Variants in TFDP2 observed in about 807,000 individuals in gnomAD.
The protein encoded by TFDP2 is transcription factor Dp-2.
Under a neutral mutation model 59.3 loss-of-function variants are expected in TFDP2, and 17 were observed. That is an observed-to-expected ratio of 0.29 (90% CI 0.20 to 0.43). TFDP2 has a LOEUF of 0.43. TFDP2 is among the 20% of genes least tolerant of loss of function. The probability of loss-of-function intolerance (pLI) is 1.00; values close to 1 mark genes in which losing one functional copy is unlikely to be tolerated. For synonymous variants in TFDP2, 180 were observed against 194.7 expected (o/e 0.92, Z 0.63); for missense variants, 391 against 528.8 (o/e 0.74, Z 2.56).
rs981603675 is a variant in TFDP2, at chr3:141,946,899, A to T, written c.*5614T>A. 1 of 152,258 alleles carries T rather than the reference A, an allele frequency of 6.6e-6. No individual in the cohort carries two copies. The highest frequency in any genetic ancestry group is 1.9e-4 in the East Asian group (1 of 5,186). 9.4% of individuals were successfully genotyped at this position (152,258 alleles called of 1,614,324 possible). A position where few individuals can be genotyped will look rare whatever the true frequency, so the allele number is the denominator to read the frequency against. On this transcript the variant is annotated 3_prime_UTR_variant, in exon 13 of 13. Coordinates refer to ENST00000489671, the MANE Select transcript of TFDP2 (RefSeq NM_001178139.2). Reference sequence around the variant, plus strand: ...AAAAATTAGCCAGGCGTGGTGGCACATGTCTGTAATCCCAACTACTTGGGA... The same window carrying T: ...AAAAATTAGCCAGGCGTGGTGGCACTTGTCTGTAATCCCAACTACTTGGGA...
intron 4 of TFDP2, 64 bp downstream of exon 4, chr3:142,005,377 A>T (rs1944129595): frequency 2.3e-6 from 3 of 1,308,066 alleles, no homozygotes; most frequent in Middle Eastern, 2.5e-4. Context: ...ATTTAATGCA[A>T]TTATTCTTTA....
In TFDP2 at chr3:142,136,044, C is replaced by T. The variant is rs550749641; in HGVS notation, c.-93+13139G>A. Among the ~76,000 whole-genome samples, 51 of 152,198 alleles carry T rather than the reference C, an allele frequency of 3.4e-4. 2 individuals are homozygous for T. The highest frequency in any genetic ancestry group is 6.8e-3 in the Middle Eastern group (2 of 292). The stretch of plus-strand genomic sequence containing the variant: ...CAACAGTGTAAAAGCATTCCTATTT[C>T]TCCACATCCTCTCCAGCACGTTGTT... On this transcript the variant is annotated intron_variant, in intron 1 of 12. Transcript: ENST00000489671.
intron 3 of TFDP2, among the ~76,000 whole-genome samples, chr3:142,044,585 G>A (rs1404377031): frequency 6.6e-6 from 1 of 151,786 alleles, no homozygotes. Flanking sequence ...TGGCCAGGCT[G>A]GTCTCGAACT....
chr3:142,120,690 A>G (rs2062017532), intron 1 of TFDP2, among the ~76,000 whole-genome samples: 1 of 152,216 alleles, frequency 6.6e-6, no homozygotes. Flanking sequence ...AATAAGATGT[A>G]AAGAGAACTG....
rs1258405549 is a variant in TFDP2, at chr3:141,948,028, CGCT to C, written c.*4482_*4484del. The C allele has an allele frequency of 1.3e-5, 2 of 152,246 alleles. No homozygotes were observed. The highest frequency in any genetic ancestry group is 6.5e-5 in the Admixed American group (1 of 15,278). 9.4% of individuals were successfully genotyped at this position (152,246 alleles called of 1,614,324 possible). ...GAGAACCCAACATCGGCAGGGCTCT[CGCT>C]GCTCCGCCCCAATGCCTGCTCACAG... On this transcript the variant is annotated 3_prime_UTR_variant, in exon 13 of 13. Transcript: ENST00000489671.
chr3:142,050,674 T>C (rs968003577), intron 3 of TFDP2, among the ~76,000 whole-genome samples: 5 of 152,002 alleles, frequency 3.3e-5, no homozygotes, highest in African/African-American at 4.8e-5. Flanking sequence ...CCAGCCTGGG[T>C]GACAGACAGA....
At chr3:142,113,817 C>T (rs546407818) in intron 1 of TFDP2, among the ~76,000 whole-genome samples, 13 of 152,066 alleles carry the variant, frequency 8.5e-5, no homozygotes, top group Non-Finnish European at 1.3e-4. Flanking sequence ...GAAAATGAAA[C>T]AACTGTATAA....
At chr3:141,966,148 A>C (rs996143393) in intron 9 of TFDP2, among the ~76,000 whole-genome samples, 45 of 152,070 alleles carry the variant, frequency 3.0e-4, no homozygotes, top group African/African-American at 1.1e-3. Context: ...GAGAGCAGTA[A>C]AAACATAATG....
chr3:142,094,445 C>T (rs749576861), intron 2 of TFDP2, among the ~76,000 whole-genome samples: 2 of 151,962 alleles, frequency 1.3e-5, no homozygotes, highest in Non-Finnish European at 2.9e-5. Flanking sequence ...GCTGGGATTA[C>T]AGGCACCTGC....
intron 1 of TFDP2, among the ~76,000 whole-genome samples, chr3:142,126,759 C>G (rs963147688): frequency 6.6e-6 from 1 of 151,670 alleles, no homozygotes; most frequent in African/African-American, 2.4e-5. Flanking sequence ...CCAGCCTGGC[C>G]AACATGGTGA....
rs78349532 is a variant in TFDP2, at chr3:142,013,163, A to C, written c.83-7619T>G. On this transcript the variant is annotated intron_variant, in intron 3 of 12. Transcript: ENST00000489671. The stretch of plus-strand genomic sequence containing the variant: ...AAAAATAAATAAATAAATAAAAATA[A>C]AAGTTACTGTCATTCTGAAAAAGAG... Among the ~76,000 whole-genome samples, 344 of 152,242 alleles carry C rather than the reference A, an allele frequency of 2.3e-3. 1 individual carries two copies. The highest frequency in any genetic ancestry group is 7.8e-3 in the African/African-American group (325 of 41,542).
intron 3 of TFDP2, among the ~76,000 whole-genome samples, chr3:142,023,823 A>C (rs1012513418): frequency 1.3e-5 from 2 of 152,098 alleles, no homozygotes; most frequent in Admixed American, 1.3e-4. Flanking sequence ...ATTTTTTTTG[A>C]GACAGGGTCT....
intron 3 of TFDP2, among the ~76,000 whole-genome samples, chr3:142,082,035 G>A (rs747013013): frequency 6.6e-6 from 1 of 152,136 alleles, no homozygotes; most frequent in Non-Finnish European, 1.5e-5. Flanking sequence ...GTGAGTGGCG[G>A]GCGAGTGAAA....
chr3:141,955,733 G>A (rs1251899488), intron 11 of TFDP2, among the ~76,000 whole-genome samples: 1 of 152,168 alleles, frequency 6.6e-6, no homozygotes, highest in Non-Finnish European at 1.5e-5. Flanking sequence ...TTTAAAAAGC[G>A]ATGTGAAATT....
At chr3:142,020,274 G>A (rs955445472) in intron 3 of TFDP2, among the ~76,000 whole-genome samples, 59 of 152,292 alleles carry the variant, frequency 3.9e-4, no homozygotes, top group African/African-American at 1.1e-3. Context: ...GGTGGCTCAC[G>A]TCTGTAATCC....
chr3:142,016,709 T>C (rs756625254), intron 3 of TFDP2, among the ~76,000 whole-genome samples: 2 of 152,220 alleles, frequency 1.3e-5, no homozygotes, highest in South Asian at 4.1e-4. Context: ...TATTAAAATA[T>C]TGCTACTAGA....
intron 2 of TFDP2, among the ~76,000 whole-genome samples, chr3:142,098,150 T>C (rs893185970): frequency 7.2e-5 from 11 of 151,998 alleles, no homozygotes; most frequent in Non-Finnish European, 1.6e-4. Flanking sequence ...GATATCTTCC[T>C]AAGCAAAATT....
Position 141,952,567 on chromosome 3 carries a change from C to T in TFDP2, c.1287G>A (p.Ser429=), listed in dbSNP as rs768086644. The T allele has an allele frequency of 2.4e-5, 37 of 1,561,404 alleles. No individual in the cohort carries two copies. Among genetic ancestry groups the T allele is most frequent in the African/African-American group, 1.8e-4 (13 of 71,534 alleles). Residue 429 remains serine (S), a synonymous_variant, in exon 13 of 13, where the codon TCG becomes TCA. Transcript: ENST00000489671. ...CSESRGETPC[S]FNDEDEEDDE... Reference sequence around the variant, plus strand: ...CATCTTCCTCATCTTCATCATTGAACGAACAGGGGGTCTCGCCTCGGGACT... The same window carrying T: ...CATCTTCCTCATCTTCATCATTGAATGAACAGGGGGTCTCGCCTCGGGACT...
chr3:141,971,623 A>G (rs1337836205), intron 8 of TFDP2, among the ~76,000 whole-genome samples: 1 of 152,136 alleles, frequency 6.6e-6, no homozygotes, highest in Non-Finnish European at 1.5e-5. Flanking sequence ...CAACAGACCA[A>G]ACAAAAATGG....
Sources: gnomAD v4.1 joint callset for allele counts (sites outside exome capture counted in the v4.1 genomes callset) on GRCh38, gnomAD v4.1.1 for gene constraint, MANE v1.5 for transcripts, NCBI Gene and HGNC (gene_info 2026-07-23, HGNC 2026-07-21) for gene names.